Variants in DMXL1 observed in about 807,000 individuals in gnomAD.
DMXL1 encodes the protein Dmx like 1, also known as dmX-like protein 1.
In DMXL1, 99 loss-of-function variants were observed where a neutral mutation model predicts 319.2. That is an observed-to-expected ratio of 0.31 (90% CI 0.26 to 0.37). The LOEUF is 0.37. Among genes scored for constraint, DMXL1 ranks in the 10% least tolerant of loss-of-function variants. The pLI is 1.00. For synonymous variants in DMXL1, 1,385 were observed against 1,235.2 expected, an observed-to-expected ratio of 1.12 and a Z score of -2.54; for missense variants, 3,745 against 3,595.6, an observed-to-expected ratio of 1.04 and a Z score of -1.06.
Position 119,175,878 on chromosome 5 carries a change from A to G in DMXL1, c.6758+541A>G, listed in dbSNP as rs150143459. ...CTAGGCTTCAAAAAAATAGTTTGTT[A>G]CCCTCTGGGGTCTTTCTATATCTAT... On this transcript the variant is annotated intron_variant, in intron 26 of 43. Coordinates refer to ENST00000539542, the MANE Select transcript of DMXL1 (RefSeq NM_001290321.3). 1.6e-4 allele frequency among the ~76,000 whole-genome samples: 24 copies of G among 152,054 alleles called. No homozygotes were observed. In the East Asian group the frequency reaches 4.4e-3, roughly 28 times the overall value.
intron 18 of DMXL1, 60 bp downstream of exon 18, chr5:119,150,481 A>C: frequency 6.7e-7 from 1 of 1,492,316 alleles, no homozygotes; most frequent in Non-Finnish European, 8.9e-7. Flanking sequence ...ATAATTTTAA[A>C]TAATTTTTAT....
In DMXL1 at chr5:119,184,881, T is replaced by A. The variant is rs149644728; in HGVS notation, c.7136-4827T>A. ...CACATTTTCAATAAGTTTGTTGAGT[T>A]TGGGTTGAAATCTTATATACAGAAC... On this transcript the variant is annotated intron_variant, in intron 28 of 43. Transcript: ENST00000539542. Among the ~76,000 whole-genome samples the A allele has an allele frequency of 9.1e-4, 138 of 152,290 alleles. 1 individual carries two copies. Among genetic ancestry groups the A allele is most frequent in the African/African-American group, 3.2e-3 (134 of 41,552 alleles).
chr5:119,077,479 GTTTT>G (rs774672621), intron 1 of DMXL1, among the ~76,000 whole-genome samples: 16 of 70,214 alleles, frequency 2.3e-4, no homozygotes, highest in South Asian at 7.3e-4. Flanking sequence ...TTCATCTTAG[GTTTT>G]TTTTTTTTTT....
intron 19 of DMXL1, among the ~76,000 whole-genome samples, chr5:119,155,446 C>G (rs541214746): frequency 6.6e-6 from 1 of 152,160 alleles, no homozygotes; most frequent in South Asian, 2.1e-4. Flanking sequence ...TTCAAGACTT[C>G]AGTAGAGGAA....
chr5:119,227,021 T>C (rs1785707705), intron 38 of DMXL1, among the ~76,000 whole-genome samples: 1 of 152,100 alleles, frequency 6.6e-6, no homozygotes, highest in African/African-American at 2.4e-5. Context: ...AATCTCCAGC[T>C]CCCTTTCCCA....
intron 19 of DMXL1, among the ~76,000 whole-genome samples, chr5:119,156,119 T>C (rs1770992545): frequency 6.6e-6 from 1 of 152,206 alleles, no homozygotes; most frequent in South Asian, 2.1e-4. Flanking sequence ...GCACACTTCA[T>C]TGTTGCCTTA....
At chr5:119,142,732 C>T (rs966320187) in intron 13 of DMXL1, among the ~76,000 whole-genome samples, 1 of 152,016 alleles carries the variant, frequency 6.6e-6, no homozygotes, top group African/African-American at 2.4e-5. Context: ...AGGGCACATG[C>T]AGGCAAATGT....
At chr5:119,206,768 C>T (rs1380041176) in intron 33 of DMXL1, 66 bp from the exon 34 acceptor site, 4 of 924,106 alleles carry the variant, frequency 4.3e-6, no homozygotes, top group East Asian at 2.8e-5. Context: ...TGAAACAATC[C>T]CCAGTATTTT....
intron 9 of DMXL1, among the ~76,000 whole-genome samples, chr5:119,128,954 C>T (rs113507365): frequency 6.6e-6 from 1 of 151,938 alleles, no homozygotes; most frequent in African/African-American, 2.4e-5. Context: ...ATCACAGCTA[C>T]TCGGGAGGCT....
At chr5:119,076,401 GTTTT>G (rs79009167) in intron 1 of DMXL1, among the ~76,000 whole-genome samples, 23 of 147,358 alleles carry the variant, frequency 1.6e-4, no homozygotes, top group African/African-American at 5.7e-4. Flanking sequence ...GAAGGTGTTT[GTTTT>G]TTTTTTCTGA....
chr5:119,101,162 C>T (rs1049414237), intron 2 of DMXL1, among the ~76,000 whole-genome samples: 3 of 152,068 alleles, frequency 2.0e-5, no homozygotes, highest in Non-Finnish European at 4.4e-5. Flanking sequence ...ATTAAAGGCC[C>T]AAACTAAACA....
chr5:119,144,659 G>A, intron 15 of DMXL1, 21 bp downstream of exon 15: 1 of 1,457,916 alleles, frequency 6.9e-7, no homozygotes, highest in Non-Finnish European at 9.5e-7. Flanking sequence ...ATTATTTATG[G>A]AATGAGAAAT....
At chr5:119,192,592 C>G (rs1778891760) in intron 29 of DMXL1, among the ~76,000 whole-genome samples, 1 of 152,212 alleles carries the variant, frequency 6.6e-6, no homozygotes, top group African/African-American at 2.4e-5. Flanking sequence ...ACGTGATATC[C>G]ATGTCAAATG....
At chr5:119,200,570 T>C (rs1485360379) in intron 32 of DMXL1, among the ~76,000 whole-genome samples, 1 of 152,202 alleles carries the variant, frequency 6.6e-6, no homozygotes, top group Non-Finnish European at 1.5e-5. Context: ...TTACGTTCCA[T>C]ATTAATTTTA....
intron 26 of DMXL1, among the ~76,000 whole-genome samples, chr5:119,176,726 T>C: frequency 6.6e-6 from 1 of 152,116 alleles, no homozygotes; most frequent in East Asian, 1.9e-4. Context: ...TATACCATTT[T>C]CTGTCAGAAT....
intron 1 of DMXL1, among the ~76,000 whole-genome samples, chr5:119,084,128 C>T (rs1257565392): frequency 6.8e-6 from 1 of 147,786 alleles, no homozygotes; most frequent in East Asian, 2.0e-4. Flanking sequence ...CCCCTCACCC[C>T]TTTTTTTTTT....
intron 9 of DMXL1, among the ~76,000 whole-genome samples, chr5:119,128,836 C>T (rs1036458662): frequency 2.0e-5 from 3 of 152,102 alleles, no homozygotes; most frequent in African/African-American, 7.2e-5. Flanking sequence ...GAGGCTGAGG[C>T]AGGTAGATCA....
At chr5:119,121,256 A>ATTTTTCTTTTT in intron 9 of DMXL1, 117 bp downstream of exon 9, 1 of 771,108 alleles carries the variant, frequency 1.3e-6, no homozygotes, top group Non-Finnish European at 1.8e-6. Flanking sequence ...GTCTTAGCCT[A>ATTTTTCTTTTT]TTTTTCTTTT....
intron 1 of DMXL1, among the ~76,000 whole-genome samples, chr5:119,090,612 G>A (rs902539075): frequency 6.7e-6 from 1 of 148,746 alleles, no homozygotes; most frequent in Admixed American, 6.7e-5. Context: ...GCCCAGGCTG[G>A]GGTGCAATGG....
Sources: allele counts gnomAD v4.1 joint callset (sites outside exome capture counted in the v4.1 genomes callset), GRCh38; gene constraint gnomAD v4.1.1; transcripts MANE v1.5; gene names NCBI Gene and HGNC (gene_info 2026-07-23, HGNC 2026-07-21).